The following MYO1F variants were observed in gnomAD, a reference collection of about 807,000 sequenced individuals.
MYO1F encodes the protein unconventional myosin-If.
MYO1F carries 60 observed loss-of-function variants against 146.6 expected under a neutral mutation model. That is an observed-to-expected ratio of 0.41 (90% CI 0.33 to 0.51). The LOEUF (loss-of-function observed/expected upper bound fraction) is 0.51. Among genes scored for constraint, MYO1F ranks in the 20% least tolerant of loss-of-function variants. MYO1F has a pLI of 0.25. For missense variants in MYO1F, 1,274 were observed against 1,534.3 expected (o/e 0.83, Z 2.83); for synonymous variants, 602 against 602.1 (o/e 1.00, Z 0.00).
intron 25 of MYO1F, chr19:8,525,248 A>T: frequency 9.0e-6 from 3 of 334,846 alleles, no homozygotes; most frequent in Non-Finnish European, 1.8e-5. Flanking sequence ...GCAGGAGTGT[A>T]GGGTAGGAGG....
At chr19:8,559,772 A>G (rs560499772) in intron 1 of MYO1F, among the ~76,000 whole-genome samples, 3 of 152,108 alleles carry the variant, frequency 2.0e-5, no homozygotes, top group Admixed American at 6.6e-5. Flanking sequence ...CAACATGGTG[A>G]AACTCCATCT....
chr19:8,533,193 A>T (rs2967773), intron 19 of MYO1F, among the ~76,000 whole-genome samples: 18,048 of 149,646 alleles, frequency 0.12, 1,128 homozygotes, highest in East Asian at 0.16. Flanking sequence ...TTATATATAT[A>T]TTTTTTTGGT....
chr19:8,530,099 G>A lies in MYO1F; in HGVS notation c.2328+97C>T, dbSNP rs189869971. The A allele has an allele frequency of 1.3e-6, 2 of 1,515,110 alleles. No homozygotes were observed. Among genetic ancestry groups the A allele is most frequent in the African/African-American group, 1.4e-5 (1 of 72,986 alleles). 93.9% of individuals were successfully genotyped at this position (1,515,110 alleles called of 1,614,324 possible). Reference sequence around the variant, plus strand: ...CCTGTGATGGAACAGATGGATCTAGGCTGGGGGATATCTGGCTGTGGGCAG... The same window carrying A: ...CCTGTGATGGAACAGATGGATCTAGACTGGGGGATATCTGGCTGTGGGCAG... On this transcript the variant is annotated intron_variant, in intron 21 of 27. Transcript: ENST00000644032. The surrounding 1 kb of genome is among the most constrained non-coding windows in gnomAD (Gnocchi z 5.8).
intron 1 of MYO1F, among the ~76,000 whole-genome samples, chr19:8,574,565 TTCTTTCTTTCTTTCTCTC>T (rs1435751428): frequency 5.8e-5 from 5 of 86,170 alleles, no homozygotes; most frequent in African/African-American, 2.9e-4. Context: ...CTTTCTTTCT[TTCTTTCTTTCTTTCTCTC>T]TCTCTCTCTC....
chr19:8,535,315 C>T (rs1018168670), intron 19 of MYO1F, among the ~76,000 whole-genome samples: 4 of 152,158 alleles, frequency 2.6e-5, no homozygotes, highest in East Asian at 1.9e-4. Flanking sequence ...CATCTGCCAT[C>T]GTGAATTTCA....
Position 8,522,409 on chromosome 19 carries a change from T to A in MYO1F, c.3188A>T (p.Asn1063Ile), listed in dbSNP as rs199953551. The part of the protein sequence containing the change: ...VGQDVDELSF[N>I]VNEVIEILME... ...GAGGATCTCAATGACCTCGTTCACGTTGAAGCTCAGCTCGTCCACATCTTG... is the reference window on the plus strand; with the variant it reads ...GAGGATCTCAATGACCTCGTTCACGATGAAGCTCAGCTCGTCCACATCTTG... Residue 1063 changes from asparagine (N) to isoleucine (I), a missense_variant, in exon 27 of 28, where the codon AAC becomes ATC. By Grantham distance (149) the Asn-to-Ile change is moderately radical (BLOSUM62 -3). Coordinates refer to ENST00000644032, the MANE Select transcript of MYO1F (RefSeq NM_012335.4). 14 of 1,614,070 alleles carry A rather than the reference T, an allele frequency of 8.7e-6. No homozygotes were observed. The highest frequency in any genetic ancestry group is 1.2e-5 in the Non-Finnish European group (14 of 1,180,038).
chr19:8,534,302 T>TTTTTC (rs928099007), intron 19 of MYO1F, among the ~76,000 whole-genome samples: 3 of 152,092 alleles, frequency 2.0e-5, no homozygotes, highest in East Asian at 3.9e-4. Flanking sequence ...CCGTTGGCTA[T>TTTTTC]TTTTCTTTTC....
chr19:8,544,752 C>T (rs1032038657), intron 13 of MYO1F, among the ~76,000 whole-genome samples: 2 of 151,978 alleles, frequency 1.3e-5, no homozygotes, highest in African/African-American at 4.8e-5. Flanking sequence ...ACTAGAATCC[C>T]TTGGTAGGGG....
intron 10 of MYO1F, chr19:8,549,868 A>G (rs993125937): frequency 3.9e-6 from 2 of 516,382 alleles, no homozygotes; most frequent in South Asian, 4.1e-5. Flanking sequence ...TAGCGCAATC[A>G]TAGCTCACTG....
chr19:8,545,742 G>T lies in MYO1F; in HGVS notation c.1270-6C>A, dbSNP rs1973319332. 6.2e-7 allele frequency: 1 copy of T among 1,611,328 alleles called. No homozygotes were observed. The highest frequency in any genetic ancestry group is 8.5e-7 in the Non-Finnish European group (1 of 1,177,520). On this transcript the variant is annotated splice_polypyrimidine_tract_variant and splice_region_variant and intron_variant, in intron 12 of 27. Transcript: ENST00000644032. ...CCTTCCTGCACATACTCCTCCTGGG[G>T]TGGAAAAGGGGGTGGATGTGGGGGC...
At chr19:8,556,149 C>G (rs1158429916) in intron 1 of MYO1F, among the ~76,000 whole-genome samples, 1 of 151,596 alleles carries the variant, frequency 6.6e-6, no homozygotes, top group Non-Finnish European at 1.5e-5. Context: ...CTGCCTCAGC[C>G]TCCCGAGTAG....
chr19:8,526,722 T>A (rs1340007198), intron 23 of MYO1F, 67 bp downstream of exon 23: 1 of 1,536,826 alleles, frequency 6.5e-7, no homozygotes, highest in Non-Finnish European at 8.8e-7. Context: ...GCCGGGTCGG[T>A]GGGGCGGGAG....
Position 8,521,178 on chromosome 19 carries a change from C to A in MYO1F, c.*350G>T, listed in dbSNP as rs1972050748. ...GAGCAAAGTCACGCTTGTTAAGGAC[C>A]CCCCCCTCCCCAACTGTGCCTGGCA... is the stretch of plus-strand genomic sequence containing the variant. On this transcript the variant is annotated 3_prime_UTR_variant, in exon 28 of 28. Transcript: ENST00000644032. 4 of 376,736 alleles carry A rather than the reference C, an allele frequency of 1.1e-5. No homozygotes were observed. Among genetic ancestry groups the A allele is most frequent in the African/African-American group, 6.2e-5 (3 of 48,168 alleles). The allele number at this position is 376,736 out of a possible 1,614,324, so 23.3% of individuals were successfully genotyped here.
chr19:8,534,639 T>A (rs1354843188), intron 19 of MYO1F, among the ~76,000 whole-genome samples: 1 of 151,458 alleles, frequency 6.6e-6, no homozygotes, highest in African/African-American at 2.4e-5. Context: ...AATTTTTTTT[T>A]TTTTGAGATG....
In MYO1F at chr19:8,521,421, C is replaced by A. The variant is rs1263118500; in HGVS notation, c.*107G>T. On this transcript the variant is annotated 3_prime_UTR_variant, in exon 28 of 28. Transcript: ENST00000644032. ...GAGGCCAAAGGACTGGACTTTTAGG[C>A]TATTGCAGCCCAGGTAAACGAGGCT... 8.2e-7 allele frequency: 1 copy of A among 1,217,736 alleles called. No homozygotes were observed. The highest frequency in any genetic ancestry group is 2.4e-5 in the East Asian group (1 of 40,910). The allele number at this position is 1,217,736 out of a possible 1,614,324, so 75.4% of individuals were successfully genotyped here.
At chr19:8,559,682 G>A (rs1257206169) in intron 1 of MYO1F, among the ~76,000 whole-genome samples, 1 of 152,082 alleles carries the variant, frequency 6.6e-6, no homozygotes, top group Non-Finnish European at 1.5e-5. Flanking sequence ...GGGCGCGGTG[G>A]CTCACACCTG....
At chr19:8,554,911 C>T (rs577248457) in intron 2 of MYO1F, among the ~76,000 whole-genome samples, 168 bp from the exon 3 acceptor site, 6 of 152,104 alleles carry the variant, frequency 3.9e-5, no homozygotes, top group East Asian at 1.9e-4. Flanking sequence ...TGGCCGGGCG[C>T]GGTGGCTCAT....
At chr19:8,552,257 C>G in intron 6 of MYO1F, 93 bp from the exon 7 acceptor site, 1 of 1,342,836 alleles carries the variant, frequency 7.4e-7, no homozygotes, top group South Asian at 1.2e-5. Context: ...TGCCTCTCTT[C>G]CCTTCTTCCT....
chr19:8,569,903 G>C (rs2042077883), intron 1 of MYO1F, among the ~76,000 whole-genome samples: 1 of 152,110 alleles, frequency 6.6e-6, no homozygotes, highest in African/African-American at 2.4e-5. Flanking sequence ...ACAGGAGGCT[G>C]TGGTCAAGGT....
Sources: allele counts gnomAD v4.1 joint callset (sites outside exome capture counted in the v4.1 genomes callset), GRCh38; gene constraint gnomAD v4.1.1; non-coding constraint Gnocchi (gnomAD v3.1); transcripts MANE v1.5; gene names NCBI Gene and HGNC (gene_info 2026-07-23, HGNC 2026-07-21).